Variants in REDIC1 observed in about 807,000 individuals in gnomAD.
The protein encoded by REDIC1 is regulator of DNA class I crossover intermediates 1.
chr12:39,751,141 G>A, the REDIC1 span, among the ~76,000 whole-genome samples: 1 of 151,856 alleles, frequency 6.6e-6, no homozygotes, highest in Non-Finnish European at 1.5e-5. Flanking sequence ...CAGAATGGGA[G>A]AACATTTTTG....
the REDIC1 span, among the ~76,000 whole-genome samples, chr12:39,793,871 C>A: frequency 6.6e-6 from 1 of 152,050 alleles, no homozygotes; most frequent in Admixed American, 6.6e-5. Context: ...CAAATGGGAA[C>A]TTTAACTCTG....
At chr12:39,763,686 T>C in the REDIC1 span, among the ~76,000 whole-genome samples, 3 of 152,262 alleles carry the variant, frequency 2.0e-5, no homozygotes, top group South Asian at 6.2e-4. Flanking sequence ...ATTCCGTCTC[T>C]ACCACATGGA....
At chr12:39,868,861 C>A in the REDIC1 span, among the ~76,000 whole-genome samples, 4 of 152,108 alleles carry the variant, frequency 2.6e-5, no homozygotes, top group African/African-American at 4.8e-5. Flanking sequence ...ATATTTTGTA[C>A]TTCTTTGTAT....
chr12:39,784,123 C>G, the REDIC1 span, among the ~76,000 whole-genome samples: 216 of 152,236 alleles, frequency 1.4e-3, no homozygotes, highest in African/African-American at 4.9e-3. Flanking sequence ...TAGGAAGAAT[C>G]AATATCGTGA....
At chr12:39,807,891 T>C in the REDIC1 span, among the ~76,000 whole-genome samples, 1 of 151,952 alleles carries the variant, frequency 6.6e-6, no homozygotes, top group Non-Finnish European at 1.5e-5. Flanking sequence ...TAAAGTAGAA[T>C]TAGTCTGCCC....
At chr12:39,796,481 C>T in the REDIC1 span, among the ~76,000 whole-genome samples, 2 of 150,832 alleles carry the variant, frequency 1.3e-5, no homozygotes, top group Non-Finnish European at 3.0e-5. Context: ...TATAAGACTT[C>T]TAGGCCATTT....
At chr12:39,833,634 T>C in the REDIC1 span, among the ~76,000 whole-genome samples, 1 of 152,102 alleles carries the variant, frequency 6.6e-6, no homozygotes, top group African/African-American at 2.4e-5. Context: ...CAACCAGGCA[T>C]ATTGATACAA....
At chr12:39,809,068 T>C in the REDIC1 span, among the ~76,000 whole-genome samples, 1 of 152,100 alleles carries the variant, frequency 6.6e-6, no homozygotes, top group South Asian at 2.1e-4. Flanking sequence ...ATGATGTATA[T>C]TGAGCTTTTT....
chr12:39,888,195 A>C, the REDIC1 span, among the ~76,000 whole-genome samples: 1 of 152,102 alleles, frequency 6.6e-6, no homozygotes, highest in South Asian at 2.1e-4. Context: ...ATGCTTATGG[A>C]TATAACCATT....
At chr12:39,750,707 C>T in the REDIC1 span, among the ~76,000 whole-genome samples, 14 of 152,138 alleles carry the variant, frequency 9.2e-5, no homozygotes, top group African/African-American at 2.9e-4. Context: ...CTGGTACCAA[C>T]GCAGAGATAT....
chr12:39,700,471 G>T, the REDIC1 span, among the ~76,000 whole-genome samples: 2 of 152,220 alleles, frequency 1.3e-5, no homozygotes, highest in Non-Finnish European at 1.5e-5. Flanking sequence ...TGGTGTACCT[G>T]AAAGTGATGG....
the REDIC1 span, among the ~76,000 whole-genome samples, chr12:39,825,511 G>C: frequency 6.6e-6 from 1 of 152,012 alleles, no homozygotes; most frequent in African/African-American, 2.4e-5. Flanking sequence ...CTGTAAGTAG[G>C]GTATAGAAAT....
At chr12:39,686,356 T>A in the REDIC1 span, among the ~76,000 whole-genome samples, 5 of 152,346 alleles carry the variant, frequency 3.3e-5, no homozygotes, top group African/African-American at 4.8e-5. Flanking sequence ...GCTTAACTTT[T>A]ACACTCTGTG....
At chr12:39,840,919 T>C in the REDIC1 span, among the ~76,000 whole-genome samples, 1 of 152,122 alleles carries the variant, frequency 6.6e-6, no homozygotes, top group Non-Finnish European at 1.5e-5. Flanking sequence ...GAAGATTTGG[T>C]AGTTCCCTTT....
At chr12:39,653,650 G>A in the REDIC1 span, among the ~76,000 whole-genome samples, 2 of 147,734 alleles carry the variant, frequency 1.4e-5, no homozygotes, top group African/African-American at 2.5e-5. Flanking sequence ...AGGCCAGGGA[G>A]CAATTTTTAC....
At chr12:39,791,261 A>C in the REDIC1 span, among the ~76,000 whole-genome samples, 2 of 137,934 alleles carry the variant, frequency 1.4e-5, no homozygotes, top group South Asian at 2.6e-4. Context: ...ACCCACAGCC[A>C]ATATCATACT....
chr12:39,809,977 T>A, the REDIC1 span, among the ~76,000 whole-genome samples: 1 of 152,210 alleles, frequency 6.6e-6, no homozygotes, highest in Admixed American at 6.5e-5. Flanking sequence ...TATGTGTGAA[T>A]GTGTCTTATA....
the REDIC1 span, among the ~76,000 whole-genome samples, chr12:39,841,829 G>C: frequency 6.6e-6 from 1 of 151,948 alleles, no homozygotes; most frequent in Non-Finnish European, 1.5e-5. Context: ...ATACTTAAGA[G>C]ACTGAAATTC....
chr12:39,711,708 CATGCATGT>C, the REDIC1 span, among the ~76,000 whole-genome samples: 1 of 16,470 alleles, frequency 6.1e-5, no homozygotes, highest in Non-Finnish European at 3.0e-4. Flanking sequence ...TGTGTATACA[CATGCATGT>C]GTATGCACAT....
Sources: gnomAD v4.1 joint callset for allele counts (sites outside exome capture counted in the v4.1 genomes callset) on GRCh38, gnomAD v4.1.1 for gene constraint, MANE v1.5 for transcripts, NCBI Gene and HGNC (gene_info 2026-07-23, HGNC 2026-07-21) for gene names.